Variants in PTPRA observed in about 807,000 individuals in gnomAD.
The protein encoded by PTPRA is protein tyrosine phosphatase receptor type A.
In PTPRA, 25 loss-of-function variants were observed where a neutral mutation model predicts 104.8. The ratio of observed to expected loss-of-function variants is 0.24; its 90% CI spans 0.17 to 0.33. PTPRA has a LOEUF of 0.33. Among genes scored for constraint, PTPRA ranks in the 10% least tolerant of loss-of-function variants. The probability of loss-of-function intolerance (pLI) is 1.00; values close to 1 mark genes in which losing one functional copy is unlikely to be tolerated. For missense variants in PTPRA, 765 were observed against 1,015.3 expected (o/e 0.75, Z 3.35); for synonymous variants, 323 against 368.9 (o/e 0.88, Z 1.43).
At chr20:2,928,286 T>C (rs911113322) in intron 2 of PTPRA, among the ~76,000 whole-genome samples, 1 of 151,914 alleles carries the variant, frequency 6.6e-6, no homozygotes, top group Non-Finnish European at 1.5e-5. Flanking sequence ...TAGGCGCCTG[T>C]CACCACGCCT....
At position 3,015,834 on chromosome 20, in the gene PTPRA, T is replaced by C. The variant is rs1250351683; in HGVS notation, c.907-15T>C. 1.3e-6 allele frequency: 2 copies of C among 1,543,196 alleles called. No individual in the cohort carries two copies. Among genetic ancestry groups the C allele is most frequent in the African/African-American group, 2.7e-5 (2 of 73,186 alleles). Reference sequence around the variant, plus strand: ...TGGTTTTCTCTTTCTTTTTCTTTCCTTCCCCACACCCCAGGGCTACCAAGA... The same window carrying C: ...TGGTTTTCTCTTTCTTTTTCTTTCCCTCCCCACACCCCAGGGCTACCAAGA... On this transcript the variant is annotated splice_polypyrimidine_tract_variant and intron_variant, in intron 11 of 23. Transcript: ENST00000399903.
chr20:2,955,136 A>G (rs1002364046), intron 3 of PTPRA, among the ~76,000 whole-genome samples: 8 of 152,170 alleles, frequency 5.3e-5, no homozygotes, highest in Non-Finnish European at 7.3e-5. Flanking sequence ...TTCTTTTTCA[A>G]AATTGTCACT....
intron 1 of PTPRA, among the ~76,000 whole-genome samples, chr20:2,892,915 T>C (rs1044779204): frequency 6.6e-6 from 1 of 152,204 alleles, no homozygotes; most frequent in Non-Finnish European, 1.5e-5. Flanking sequence ...CTGAAGGGAT[T>C]AAGACTTTCT....
In PTPRA at chr20:3,022,351, C is replaced by A; in HGVS notation, c.1328+131C>A. ...ATGACCTACTGGGGCACCAGCGCAA[C>A]AGCCAGAGACTCCAAGTTCTAGTGC... On this transcript the variant is annotated intron_variant, in intron 15 of 23. Coordinates refer to ENST00000399903, the MANE Select transcript of PTPRA (RefSeq NM_001385305.1). The surrounding 1 kb of genome is among the most constrained non-coding windows in gnomAD (Gnocchi z 4.6). 1.7e-6 allele frequency: 2 copies of A among 1,174,060 alleles called. No individual in the cohort carries two copies. Among genetic ancestry groups the A allele is most frequent in the Non-Finnish European group, 1.2e-6 (1 of 830,958 alleles). The allele number at this position is 1,174,060 out of a possible 1,614,324, so 72.7% of individuals were successfully genotyped here.
intron 5 of PTPRA, 47 bp from the exon 6 acceptor site, chr20:2,975,168 G>T (rs1260805304): frequency 5.4e-6 from 8 of 1,487,766 alleles, no homozygotes; most frequent in Non-Finnish European, 7.4e-6. Flanking sequence ...ATTGTAATGT[G>T]TTTCTTTAAC....
intron 1 of PTPRA, among the ~76,000 whole-genome samples, chr20:2,883,456 T>A (rs1276400490): frequency 3.9e-5 from 1 of 25,762 alleles, no homozygotes; most frequent in Non-Finnish European, 5.6e-5. Flanking sequence ...ATCGAGACCA[T>A]CCTGGCTAAC....
chr20:2,866,722 G>A, the PTPRA span: 1 of 1,221,216 alleles, frequency 8.2e-7, no homozygotes, highest in Non-Finnish European at 1.1e-6. Flanking sequence ...AAATAAAGTT[G>A]GAACACTTCA....
chr20:2,964,491 C>T, intron 4 of PTPRA, 141 bp downstream of exon 4: 1 of 715,006 alleles, frequency 1.4e-6, no homozygotes, highest in Non-Finnish European at 2.3e-6. Flanking sequence ...TAGGTGTCTT[C>T]AGAAATCTTG....
Position 3,037,055 on chromosome 20 carries a change from A to C in PTPRA, c.2199-99A>C, listed in dbSNP as rs1176574218. 4 of 1,519,172 alleles carry C rather than the reference A, an allele frequency of 2.6e-6. No individual in the cohort carries two copies. The highest frequency in any genetic ancestry group is 3.6e-6 in the Non-Finnish European group (4 of 1,119,940). The allele number at this position is 1,519,172 out of a possible 1,614,324, so 94.1% of individuals were successfully genotyped here. On this transcript the variant is annotated intron_variant, in intron 22 of 23. Transcript: ENST00000399903. The surrounding 1 kb of genome is among the most constrained non-coding windows in gnomAD (Gnocchi z 4.3). ...GGTCCACAGGGCAAAGGCGAGCACC[A>C]GCTGCCTGCCCCCACCTCTTCTGCC...
intron 13 of PTPRA, 129 bp downstream of exon 13, chr20:3,018,042 C>CT: frequency 1.3e-6 from 1 of 775,400 alleles, no homozygotes; most frequent in Non-Finnish European, 2.1e-6. Flanking sequence ...AGGCTGAAGT[C>CT]TATCAGACTT....
At chr20:2,926,169 A>C (rs1356374320) in intron 2 of PTPRA, among the ~76,000 whole-genome samples, 1 of 152,104 alleles carries the variant, frequency 6.6e-6, no homozygotes, top group Non-Finnish European at 1.5e-5. Context: ...ACCTTACACT[A>C]TCCCCCCATT....
At chr20:2,988,500 A>T (rs758992660) in intron 9 of PTPRA, 26 bp downstream of exon 9, 2 of 1,607,600 alleles carry the variant, frequency 1.2e-6, no homozygotes, top group Non-Finnish European at 1.7e-6. Context: ...AGGCTGGTGT[A>T]TCAGCAGGGA....
intron 8 of PTPRA, 83 bp downstream of exon 8, chr20:2,988,188 A>G: frequency 6.6e-7 from 1 of 1,513,022 alleles, no homozygotes; most frequent in South Asian, 1.2e-5. Flanking sequence ...TTTTAAAAGA[A>G]TAAGACAATA....
At position 3,022,248 on chromosome 20, in the gene PTPRA, C is replaced by CA; in HGVS notation, c.1328+29dup. On this transcript the variant is annotated intron_variant, in intron 15 of 23. Coordinates refer to ENST00000399903, the MANE Select transcript of PTPRA (RefSeq NM_001385305.1). This position sits in a 1 kb window ranked among gnomAD's most constrained non-coding sequence, Gnocchi z 4.6. ...CAGTGTGGCCTGACCCTTGTACCCC[C>CA]ACCCCCACATTTCGCCCCCATGGCC... The CA allele has an allele frequency of 6.2e-7, 1 of 1,610,650 alleles. No homozygotes were observed. Among genetic ancestry groups the CA allele is most frequent in the Non-Finnish European group, 8.5e-7 (1 of 1,177,622 alleles).
chr20:2,864,307 G>GC, the PTPRA span: 1 of 1,613,956 alleles, frequency 6.2e-7, no homozygotes, highest in Non-Finnish European at 8.5e-7. The surrounding 1 kb of genome is among the most constrained non-coding windows in gnomAD (Gnocchi z 5.2). Context: ...AGGCTGGGGG[G>GC]CCCCTGGGCT....
At chr20:2,871,815 G>A (rs952275221), upstream of PTPRA, among the ~76,000 whole-genome samples, 2 of 152,228 alleles carry the variant, frequency 1.3e-5, no homozygotes, top group African/African-American at 2.4e-5. Flanking sequence ...GAGTAGGCGT[G>A]TGGACTCTGG....
intron 1 of PTPRA, among the ~76,000 whole-genome samples, chr20:2,888,664 C>G (rs891467765): frequency 6.6e-6 from 1 of 151,710 alleles, no homozygotes; most frequent in African/African-American, 2.4e-5. Context: ...GTTAATAGTT[C>G]TAAAAGTATA....
intron 1 of PTPRA, among the ~76,000 whole-genome samples, chr20:2,912,195 C>T (rs963161936): frequency 2.0e-5 from 3 of 151,572 alleles, no homozygotes; most frequent in African/African-American, 4.9e-5. Context: ...TACAGTGAGC[C>T]GAGATCACAC....
chr20:2,923,253 G>A lies in PTPRA; in HGVS notation c.-82G>A. On this transcript the variant is annotated 5_prime_UTR_variant, in exon 2 of 24. It adds an upstream start codon to the 5' untranslated region. Coordinates refer to ENST00000399903, the MANE Select transcript of PTPRA (RefSeq NM_001385305.1). ...AAAGGTATTTATGGAATTCCACTGA[G>A]TGGTAATGGATGATGCAGTTCAAAT... 7.8e-7 allele frequency: 1 copy of A among 1,281,634 alleles called. No homozygotes were observed. The allele number at this position is 1,281,634 out of a possible 1,614,324, so 79.4% of individuals were successfully genotyped here.
Sources: gnomAD v4.1 joint callset for allele counts (sites outside exome capture counted in the v4.1 genomes callset) on GRCh38, gnomAD v4.1.1 for gene constraint, Gnocchi (gnomAD v3.1) non-coding constraint, MANE v1.5 for transcripts, NCBI Gene and HGNC (gene_info 2026-07-23, HGNC 2026-07-21) for gene names.